ARFIP1: variants seen among roughly 807,000 people sequenced by gnomAD.
The protein encoded by ARFIP1 is ARF interacting protein 1.
A neutral mutation model predicts 42.5 loss-of-function variants in ARFIP1; 24 were observed. That is an observed-to-expected ratio of 0.57 (90% CI 0.41 to 0.80). The LOEUF (loss-of-function observed/expected upper bound fraction) is 0.80, where lower values mean the gene tolerates loss of function less well. Ranked by LOEUF, ARFIP1 falls within the 30% of genes least tolerant of loss-of-function variation. The probability of loss-of-function intolerance (pLI) is 0.00; values close to 1 mark genes in which losing one functional copy is unlikely to be tolerated. For synonymous variants in ARFIP1, 141 were observed against 153.7 expected, an observed-to-expected ratio of 0.92 and a Z score of 0.61; for missense variants, 354 against 434.0, an observed-to-expected ratio of 0.82 and a Z score of 1.64.
At chr4:152,814,349 C>G (rs1457821970) in intron 1 of ARFIP1, among the ~76,000 whole-genome samples, 2 of 152,136 alleles carry the variant, frequency 1.3e-5, no homozygotes, top group Non-Finnish European at 2.9e-5. Context: ...CCATCTCAGC[C>G]TACCAAAGTG....
chr4:152,819,518 C>T (rs577361433), intron 1 of ARFIP1, among the ~76,000 whole-genome samples: 50 of 152,286 alleles, frequency 3.3e-4, no homozygotes, highest in African/African-American at 1.2e-3. Context: ...TTCCCCAGCA[C>T]CAGCCTGGAG....
intron 1 of ARFIP1, among the ~76,000 whole-genome samples, chr4:152,783,022 C>T (rs752542262): frequency 3.6e-4 from 54 of 152,080 alleles, no homozygotes; most frequent in Non-Finnish European, 4.4e-4. Flanking sequence ...TAGAGAATAG[C>T]GTATGCTAGG....
intron 8 of ARFIP1, among the ~76,000 whole-genome samples, chr4:152,908,632 AAATTTT>A (rs1738570830): frequency 6.6e-6 from 1 of 152,168 alleles, no homozygotes; most frequent in African/African-American, 2.4e-5. Flanking sequence ...AAGAAATTCT[AAATTTT>A]AATGCAGTTT....
chr4:152,795,015 A>G (rs901479213), intron 1 of ARFIP1, among the ~76,000 whole-genome samples: 1 of 152,130 alleles, frequency 6.6e-6, no homozygotes, highest in Non-Finnish European at 1.5e-5. Flanking sequence ...AATTATTACA[A>G]AATATATCGT....
intron 1 of ARFIP1, among the ~76,000 whole-genome samples, chr4:152,816,836 CT>C (rs1347045080): frequency 6.6e-6 from 1 of 152,342 alleles, no homozygotes; most frequent in African/African-American, 2.4e-5. Context: ...ATATATGACT[CT>C]TTTTCCACTC....
chr4:152,878,480 A>G (rs548357810), intron 5 of ARFIP1, among the ~76,000 whole-genome samples: 1 of 152,280 alleles, frequency 6.6e-6, no homozygotes, highest in South Asian at 2.1e-4. Flanking sequence ...TCTCACTACA[A>G]CTTCCTTTAC....
intron 1 of ARFIP1, among the ~76,000 whole-genome samples, chr4:152,815,738 C>CTT (rs1218298842): frequency 0.022 from 1,871 of 85,300 alleles, no homozygotes; most frequent in Middle Eastern, 0.027. Flanking sequence ...CTGACCACTT[C>CTT]TTTTTTTTTT....
chr4:152,840,713 C>CTTTTTTTTTT (rs764318893), intron 2 of ARFIP1, among the ~76,000 whole-genome samples: 3 of 107,782 alleles, frequency 2.8e-5, no homozygotes, highest in Non-Finnish European at 3.7e-5. Context: ...GGCTCTGTAT[C>CTTTTTTTTTT]TTTTTTTTTT....
At chr4:152,863,829 A>G (rs981765990) in intron 3 of ARFIP1, 115 bp downstream of exon 3, 3 of 609,838 alleles carry the variant, frequency 4.9e-6, no homozygotes, top group Non-Finnish European at 8.6e-6. Context: ...GTGATAAAAC[A>G]TTGATTATAA....
chr4:152,846,200 C>T (rs1732524634), intron 2 of ARFIP1, among the ~76,000 whole-genome samples: 1 of 152,022 alleles, frequency 6.6e-6, no homozygotes, highest in Non-Finnish European at 1.5e-5. Context: ...CTGGGAACGA[C>T]TAGAGTAGGG....
At chr4:152,840,154 G>T (rs768725892) in intron 2 of ARFIP1, among the ~76,000 whole-genome samples, 2 of 152,186 alleles carry the variant, frequency 1.3e-5, no homozygotes, top group Admixed American at 6.5e-5. Context: ...ATTGAGGTTC[G>T]TTTTGTAGCC....
intron 2 of ARFIP1, among the ~76,000 whole-genome samples, chr4:152,851,948 TTAC>T (rs1337794474): frequency 6.6e-6 from 1 of 152,234 alleles, no homozygotes; most frequent in Non-Finnish European, 1.5e-5. Flanking sequence ...ACTACAAATA[TTAC>T]TTTGTATTCT....
At chr4:152,822,125 T>TA (rs1162104980) in intron 1 of ARFIP1, among the ~76,000 whole-genome samples, 1 of 151,688 alleles carries the variant, frequency 6.6e-6, no homozygotes, top group Non-Finnish European at 1.5e-5. Flanking sequence ...GCAGAATGGA[T>TA]AAAAAAATTG....
intron 3 of ARFIP1, among the ~76,000 whole-genome samples, chr4:152,868,052 T>G (rs1210218217): frequency 2.6e-5 from 4 of 152,204 alleles, no homozygotes; most frequent in African/African-American, 7.2e-5. Context: ...TCTGGAAAGA[T>G]GACTAAATGA....
intron 3 of ARFIP1, among the ~76,000 whole-genome samples, chr4:152,867,288 G>GC (rs1561155236): frequency 6.6e-6 from 1 of 152,206 alleles, no homozygotes; most frequent in African/African-American, 2.4e-5. Context: ...GCGGTTAGGA[G>GC]CTGGTGACCA....
Position 152,912,066 on chromosome 4 carries a change from T to C in ARFIP1, c.*1847T>C, listed in dbSNP as rs901628008. The C allele has an allele frequency of 1.3e-5, 2 of 152,342 alleles. No individual in the cohort carries two copies. The highest frequency in any genetic ancestry group is 6.5e-5 in the Admixed American group (1 of 15,272). 9.4% of individuals were successfully genotyped at this position (152,342 alleles called of 1,614,324 possible). ...TATTTTTTTTCAATGTGAATCTCTT[T>C]TGAGAGCTGAACATGTCCATTCTTA... On this transcript the variant is annotated 3_prime_UTR_variant, in exon 9 of 9. Transcript: ENST00000353617.
At chr4:152,810,768 A>C (rs1174235428) in intron 1 of ARFIP1, among the ~76,000 whole-genome samples, 2 of 152,154 alleles carry the variant, frequency 1.3e-5, no homozygotes, top group Non-Finnish European at 2.9e-5. Flanking sequence ...GTGAGCCAAC[A>C]TCACGCCACC....
intron 8 of ARFIP1, among the ~76,000 whole-genome samples, chr4:152,903,254 A>G (rs1220326061): frequency 6.6e-6 from 1 of 152,212 alleles, no homozygotes; most frequent in African/African-American, 2.4e-5. Context: ...ATTGTTCATT[A>G]TGTTTTGATT....
intron 1 of ARFIP1, among the ~76,000 whole-genome samples, chr4:152,807,748 GTTTTTAA>G (rs1417361966): frequency 6.6e-6 from 1 of 151,584 alleles, no homozygotes; most frequent in African/African-American, 2.4e-5. Context: ...TTGAAAAGAG[GTTTTTAA>G]TTTTAATGAG....
Sources: gnomAD v4.1 joint callset for allele counts (sites outside exome capture counted in the v4.1 genomes callset) on GRCh38, gnomAD v4.1.1 for gene constraint, MANE v1.5 for transcripts, NCBI Gene and HGNC (gene_info 2026-07-23, HGNC 2026-07-21) for gene names.